MACROD2: variants seen among roughly 807,000 people sequenced by gnomAD.
MACROD2 encodes the protein ADP-ribose glycohydrolase MACROD2.
Under a neutral mutation model 70.4 loss-of-function variants are expected in MACROD2, and 36 were observed. The ratio of observed to expected loss-of-function variants is 0.51; its 90% CI spans 0.39 to 0.68. The LOEUF (loss-of-function observed/expected upper bound fraction) is 0.68, where lower values mean the gene tolerates loss of function less well. MACROD2 is among the 30% of genes least tolerant of loss of function. MACROD2 has a pLI of 0.00. For synonymous variants in MACROD2, 172 were observed against 178.8 expected (o/e 0.96, Z 0.30); for missense variants, 496 against 538.4 (o/e 0.92, Z 0.78).
intron 6 of MACROD2, among the ~76,000 whole-genome samples, chr20:15,318,968 G>A (rs1381578261): frequency 6.6e-6 from 1 of 152,074 alleles, no homozygotes; most frequent in Non-Finnish European, 1.5e-5. Context: ...GACAGAGGAT[G>A]TAGGCAAGAA....
intron 3 of MACROD2, among the ~76,000 whole-genome samples, chr20:14,344,305 G>A (rs1568569694): frequency 6.6e-6 from 1 of 152,140 alleles, no homozygotes; most frequent in African/African-American, 2.4e-5. Context: ...TCAAGTATCA[G>A]TTGATTAGAT....
intron 8 of MACROD2, among the ~76,000 whole-genome samples, chr20:15,647,805 A>G (rs1408269109): frequency 6.7e-6 from 1 of 149,670 alleles, no homozygotes; most frequent in Non-Finnish European, 1.5e-5. Context: ...CTGCAACCTC[A>G]GCCTCCCAGG....
chr20:15,249,023 A>T (rs1373535333), intron 6 of MACROD2, among the ~76,000 whole-genome samples: 2 of 152,170 alleles, frequency 1.3e-5, no homozygotes, highest in African/African-American at 4.8e-5. Flanking sequence ...CAACCAGGTG[A>T]TTGCTAATGG....
chr20:14,621,000 A>G (rs899885021), intron 4 of MACROD2, among the ~76,000 whole-genome samples: 1 of 152,084 alleles, frequency 6.6e-6, no homozygotes, highest in African/African-American at 2.4e-5. Flanking sequence ...CACATTCTCT[A>G]TCAGTCCTGA....
At chr20:14,756,743 A>G (rs1391016895) in intron 5 of MACROD2, among the ~76,000 whole-genome samples, 6 of 152,270 alleles carry the variant, frequency 3.9e-5, no homozygotes, top group Admixed American at 2.0e-4. Flanking sequence ...ATACTCTTTT[A>G]TAAGTGATAT....
At chr20:15,647,662 G>A (rs1207062051) in intron 8 of MACROD2, among the ~76,000 whole-genome samples, 1 of 151,986 alleles carries the variant, frequency 6.6e-6, no homozygotes, top group Non-Finnish European at 1.5e-5. Context: ...TTTACTGATA[G>A]GGTCTGGATG....
At chr20:14,017,170 A>G (rs530293282) in intron 2 of MACROD2, among the ~76,000 whole-genome samples, 2 of 152,120 alleles carry the variant, frequency 1.3e-5, no homozygotes, top group Non-Finnish European at 1.5e-5. Context: ...CAGAAATGAA[A>G]CTGATTTTCA....
At chr20:15,636,770 G>A (rs911588161) in intron 8 of MACROD2, among the ~76,000 whole-genome samples, 2 of 152,010 alleles carry the variant, frequency 1.3e-5, no homozygotes, top group African/African-American at 2.4e-5. Context: ...ACTCAACGCC[G>A]GGGTCCTATG....
intron 6 of MACROD2, among the ~76,000 whole-genome samples, chr20:15,278,504 A>G (rs2077413386): frequency 6.6e-6 from 1 of 152,192 alleles, no homozygotes; most frequent in Non-Finnish European, 1.5e-5. Context: ...GTCGTTGGGA[A>G]GTTGGCTTAA....
At chr20:16,047,558 C>T (rs2067400155) in intron 17 of MACROD2, among the ~76,000 whole-genome samples, 2 of 152,104 alleles carry the variant, frequency 1.3e-5, no homozygotes, top group Admixed American at 6.6e-5. Context: ...TCGTAATGCT[C>T]GTTGCCTGGA....
intron 4 of MACROD2, among the ~76,000 whole-genome samples, chr20:14,634,588 C>A (rs969973622): frequency 7.5e-6 from 1 of 133,352 alleles, no homozygotes; most frequent in African/African-American, 2.8e-5. Context: ...ATGGTCCTGT[C>A]AGCAGAACTG....
At chr20:15,104,813 G>T (rs192264591) in intron 5 of MACROD2, among the ~76,000 whole-genome samples, 50 of 152,154 alleles carry the variant, frequency 3.3e-4, no homozygotes, top group African/African-American at 1.2e-3. Context: ...TCAACCAATA[G>T]ATATTAGCTA....
chr20:14,013,674 C>CTTTTTTT (rs34386274), intron 2 of MACROD2, among the ~76,000 whole-genome samples: 70 of 70,980 alleles, frequency 9.9e-4, no homozygotes, highest in African/African-American at 1.1e-3. Flanking sequence ...TTATATTAAG[C>CTTTTTTT]TTTTTTTTTT....
chr20:15,022,923 G>A (rs1266211658), intron 5 of MACROD2: 1 of 152,086 alleles, frequency 6.6e-6, no homozygotes, highest in Non-Finnish European at 1.5e-5. Context: ...CCTGTGCAGG[G>A]ATGACATGGA....
chr20:15,859,837 A>C (rs1382165925), intron 8 of MACROD2, among the ~76,000 whole-genome samples: 1 of 151,668 alleles, frequency 6.6e-6, no homozygotes, highest in Non-Finnish European at 1.5e-5. Context: ...ACAGAGCCTA[A>C]ATGATAAAAG....
intron 5 of MACROD2, among the ~76,000 whole-genome samples, chr20:15,104,213 AG>A (rs1266977148): frequency 6.6e-6 from 1 of 152,172 alleles, no homozygotes; most frequent in East Asian, 1.9e-4. Flanking sequence ...TAACCTAGAC[AG>A]GGACGCCACT....
At chr20:15,493,128 A>T (rs2047252892) in intron 7 of MACROD2, among the ~76,000 whole-genome samples, 1 of 152,278 alleles carries the variant, frequency 6.6e-6, no homozygotes, top group East Asian at 1.9e-4. Flanking sequence ...TTGAGTGCAT[A>T]AAGAATAGTT....
At chr20:15,939,388 C>T (rs2065716275) in intron 12 of MACROD2, among the ~76,000 whole-genome samples, 1 of 152,104 alleles carries the variant, frequency 6.6e-6, no homozygotes, top group Admixed American at 6.6e-5. Context: ...AATCCTAGTG[C>T]TCTTAACAAT....
chr20:14,589,245 T>C (rs556321883), intron 4 of MACROD2, among the ~76,000 whole-genome samples: 2 of 152,190 alleles, frequency 1.3e-5, no homozygotes, highest in Non-Finnish European at 2.9e-5. Flanking sequence ...TACACTTGAA[T>C]GACTAATTTC....
Sources: allele counts gnomAD v4.1 joint callset (sites outside exome capture counted in the v4.1 genomes callset), GRCh38; gene constraint gnomAD v4.1.1; transcripts MANE v1.5; gene names NCBI Gene and HGNC (gene_info 2026-07-23, HGNC 2026-07-21).